Variants in STK11 observed in about 807,000 individuals in gnomAD.
STK11 encodes the protein serine/threonine kinase 11, also known as serine/threonine-protein kinase STK11.
Under a neutral mutation model 47.3 loss-of-function variants are expected in STK11, and 8 were observed. The observed-to-expected ratio is 0.17, with a 90% CI of 0.10 to 0.31. The LOEUF (loss-of-function observed/expected upper bound fraction) is 0.31. Ranked by LOEUF, STK11 falls within the 10% of genes least tolerant of loss-of-function variation. The pLI is 1.00. For synonymous variants in STK11, 330 were observed against 255.8 expected, an observed-to-expected ratio of 1.29 and a Z score of -2.77; for missense variants, 475 against 605.0, an observed-to-expected ratio of 0.79 and a Z score of 2.25.
In STK11 at chr19:1,223,009, G is replaced by T. The variant is rs376329042; in HGVS notation, c.945G>T (p.Pro315=). ...QHSWFRKKHP[P]AEAPVPIPPS... is the part of the protein sequence containing the mutation. ...GCTGGTTCCGGAAGAAACATCCTCC[G>T]GCTGAAGCACCAGTGCCCATCCCAC... is the stretch of plus-strand genomic sequence containing the variant. Residue 315 remains proline (P), a synonymous_variant, in exon 8 of 10, where the codon CCG becomes CCT. Transcript: ENST00000326873. The T allele has an allele frequency of 6.4e-7, 1 of 1,571,576 alleles. No individual in the cohort carries two copies. The highest frequency in any genetic ancestry group is 8.6e-7 in the Non-Finnish European group (1 of 1,157,724).
At chr19:1,216,909 A>G (rs2080748595) in intron 1 of STK11, among the ~76,000 whole-genome samples, 1 of 151,620 alleles carries the variant, frequency 6.6e-6, no homozygotes, top group South Asian at 2.1e-4. Context: ...AGGTGCAGCT[A>G]GGCTGTGGCT....
chr19:1,221,013 CG>C, intron 5 of STK11, among the ~76,000 whole-genome samples, 199 bp from the exon 6 acceptor site: 1 of 152,306 alleles, frequency 6.6e-6, no homozygotes, highest in South Asian at 2.1e-4. Flanking sequence ...GCCCCTTCCC[CG>C]GGTGGGTCCA....
Position 1,227,947 on chromosome 19 carries a change from C to T in STK11, c.*371C>T, listed in dbSNP as rs554638416. The T allele has an allele frequency of 4.7e-5, 50 of 1,070,542 alleles. No individual in the cohort carries two copies. In the South Asian group the frequency reaches 1.9e-3, roughly 41 times the overall value. The allele number at this position is 1,070,542 out of a possible 1,614,324, so 66.3% of individuals were successfully genotyped here. On this transcript the variant is annotated 3_prime_UTR_variant, in exon 10 of 10. Transcript: ENST00000326873. ...CGCCGTCCGGCGGCCCCGCCGCAGA[C>T]CAGCTGGCGGGTGTGGAGACCAGGC...
At position 1,222,429 on chromosome 19, in the gene STK11, C is replaced by T. The variant is rs577547824; in HGVS notation, c.920+423C>T. ...ACGGGGTCAGCAGGCCCCACAGTGCCGCCTCCCTCACTTCGTGGGCTCTGC... is the reference window on the plus strand; with the variant it reads ...ACGGGGTCAGCAGGCCCCACAGTGCTGCCTCCCTCACTTCGTGGGCTCTGC... On this transcript the variant is annotated intron_variant, in intron 7 of 9. Transcript: ENST00000326873. Among the ~76,000 whole-genome samples the T allele has an allele frequency of 9.9e-4, 151 of 152,314 alleles. 3 individuals are homozygous for T. The highest frequency in any genetic ancestry group is 8.3e-4 in the South Asian group (4 of 4,828).
chr19:1,217,842 G>C (rs541045390), intron 1 of STK11, among the ~76,000 whole-genome samples: 1 of 152,330 alleles, frequency 6.6e-6, no homozygotes, highest in African/African-American at 2.4e-5. Flanking sequence ...CATTGCAGTA[G>C]TCTGGTTTCT....
rs558582150 is a variant in STK11 at position 1,228,036 on chromosome 19, G to A, written c.*460G>A. Reference sequence around the variant, plus strand: ...GCGCGGCCGCTTTGGTTTTTTGTTTGGTTGGTTCCATTTTCTTTTTTTCTT... The same window carrying A: ...GCGCGGCCGCTTTGGTTTTTTGTTTAGTTGGTTCCATTTTCTTTTTTTCTT... On this transcript the variant is annotated 3_prime_UTR_variant, in exon 10 of 10. Transcript: ENST00000326873. 321 of 1,059,594 alleles carry A rather than the reference G, an allele frequency of 3.0e-4. No individual in the cohort carries two copies. The African/African-American group carries it at 5.0e-3, about 17-fold the overall frequency. 65.6% of individuals were successfully genotyped at this position (1,059,594 alleles called of 1,614,324 possible). A position where few individuals can be genotyped will look rare whatever the true frequency, so the allele number is the denominator to read the frequency against.
chr19:1,222,615 G>A (rs1219632366), intron 7 of STK11, among the ~76,000 whole-genome samples: 1 of 151,874 alleles, frequency 6.6e-6, no homozygotes, highest in East Asian at 1.9e-4. Context: ...CGGGTCATCT[G>A]GGCGCCTGGC....
chr19:1,224,286 G>C (rs2080806435), intron 8 of STK11: 1 of 985,350 alleles, frequency 1.0e-6, no homozygotes, highest in South Asian at 4.7e-5. Flanking sequence ...AGGATCACAG[G>C]GTCTCAGCTC....
chr19:1,222,244 C>T (rs927745376), intron 7 of STK11, among the ~76,000 whole-genome samples: 1 of 152,222 alleles, frequency 6.6e-6, no homozygotes, highest in Admixed American at 6.5e-5. Context: ...TGCGTCCGTC[C>T]CTGCCCTAGG....
At chr19:1,225,023 T>C (rs1312548697) in intron 8 of STK11, 2 of 981,428 alleles carry the variant, frequency 2.0e-6, no homozygotes, top group Non-Finnish European at 2.4e-6. Context: ...TGCCTCCACT[T>C]TGGCCTCACG....
chr19:1,211,183 G>A (rs1008074002), intron 1 of STK11, among the ~76,000 whole-genome samples: 1 of 152,258 alleles, frequency 6.6e-6, no homozygotes, highest in Admixed American at 6.5e-5. Context: ...CTGAAGCAAG[G>A]AGAATCGCTT....
chr19:1,226,059 G>A, intron 8 of STK11: 1 of 1,047,276 alleles, frequency 9.5e-7, no homozygotes, highest in Non-Finnish European at 1.2e-6. Flanking sequence ...TCACAGATGA[G>A]CATGTGGCGG....
intron 8 of STK11, chr19:1,224,753 T>TG (rs1024243750): frequency 1.0e-6 from 1 of 985,654 alleles, no homozygotes; most frequent in African/African-American, 1.7e-5. Context: ...AAGCCCACTG[T>TG]GGGTGGTGAG....
In STK11 at chr19:1,206,688, C is replaced by T. The variant is rs1023173011; in HGVS notation, c.-226C>T. 16 of 597,858 alleles carry T rather than the reference C, an allele frequency of 2.7e-5. No homozygotes were observed. Among genetic ancestry groups the T allele is most frequent in the Non-Finnish European group, 3.9e-5 (14 of 359,328 alleles). 37.0% of individuals were successfully genotyped at this position (597,858 alleles called of 1,614,324 possible). On this transcript the variant is annotated 5_prime_UTR_variant, in exon 1 of 10. Coordinates refer to ENST00000326873, the MANE Select transcript of STK11 (RefSeq NM_000455.5). ...GCCGTCCCGGACCCCCGGTGCCCGC[C>T]GGTCCGCAGACCCTGCACCGGGCTT...
At chr19:1,225,038 CCTA>C (rs1364075351) in intron 8 of STK11, 1 of 985,576 alleles carries the variant, frequency 1.0e-6, no homozygotes, top group Admixed American at 6.1e-5. Flanking sequence ...CTCACGTGTC[CCTA>C]CCCAGGATGC....
intron 8 of STK11, chr19:1,225,392 C>G (rs908245488): frequency 1.2e-6 from 1 of 830,034 alleles, no homozygotes; most frequent in Non-Finnish European, 1.5e-6. Context: ...GCCTCAGCCT[C>G]CTGAGTAGCT....
intron 1 of STK11, 131 bp downstream of exon 1, chr19:1,207,334 C>G: frequency 7.9e-7 from 1 of 1,266,102 alleles, no homozygotes; most frequent in Non-Finnish European, 1.1e-6. Flanking sequence ...CGTCTGGCGC[C>G]TGTGTCCTCC....
chr19:1,223,096 G>C lies in STK11; in HGVS notation c.1032G>C (p.Leu344=), dbSNP rs371928158. 1.9e-6 allele frequency: 3 copies of C among 1,610,814 alleles called. No individual in the cohort carries two copies. The highest frequency in any genetic ancestry group is 2.5e-6 in the Non-Finnish European group (3 of 1,179,080). ...SMTVVPYLED[L]HGADEDEDLF... is the part of the protein sequence containing the mutation. ...CTGTGGTGCCGTACTTGGAGGACCT[G>C]CACGGCGCGGACGAGGACGAGGACC... The change falls in exon 8 of 10, where the codon CTG becomes CTC. Residue 344 remains leucine (L), a synonymous_variant. Coordinates refer to ENST00000326873, the MANE Select transcript of STK11 (RefSeq NM_000455.5).
At position 1,226,593 on chromosome 19, in the gene STK11, G is replaced by C. The variant is rs1459406168; in HGVS notation, c.1248G>C (p.Lys416Asn). 6.4e-7 allele frequency: 1 copy of C among 1,567,570 alleles called. No individual in the cohort carries two copies. Among genetic ancestry groups the C allele is most frequent in the African/African-American group, 1.4e-5 (1 of 73,460 alleles). Reference sequence around the variant, plus strand: ...GCCGGGCCCCCAACCCTGCCCGCAAGGCCTGCTCCGCCAGCAGCAAGATCC... The same window carrying C: ...GCCGGGCCCCCAACCCTGCCCGCAACGCCTGCTCCGCCAGCAGCAAGATCC... ...AEGRAPNPAR[K>N]ACSASSKIRR... The change falls in exon 9 of 10, where the codon AAG becomes AAC. Residue 416 changes from lysine to asparagine, a missense_variant. Transcript: ENST00000326873.
Sources: gnomAD v4.1 joint callset for allele counts (sites outside exome capture counted in the v4.1 genomes callset) on GRCh38, gnomAD v4.1.1 for gene constraint, MANE v1.5 for transcripts, NCBI Gene and HGNC (gene_info 2026-07-23, HGNC 2026-07-21) for gene names.